PABPC4L: variants seen among roughly 807,000 people sequenced by gnomAD.
PABPC4L encodes poly(A) binding protein cytoplasmic 4 like, also known as polyadenylate-binding protein 4-like.
For missense variants in PABPC4L, 452 were observed against 451.4 expected (o/e 1.00, Z -0.01); for synonymous variants, 169 against 164.1 (o/e 1.03, Z -0.23).
chr4:134,013,444 C>A, the PABPC4L span, among the ~76,000 whole-genome samples: 1 of 152,044 alleles, frequency 6.6e-6, no homozygotes, highest in Admixed American at 6.5e-5. Flanking sequence ...CCTCCTTCTT[C>A]TCCCTTAGCC....
At chr4:134,167,270 G>C in the PABPC4L span, among the ~76,000 whole-genome samples, 1 of 152,032 alleles carries the variant, frequency 6.6e-6, no homozygotes, top group African/African-American at 2.4e-5. Context: ...ACTCTAGTGG[G>C]GATATTGATA....
the PABPC4L span, among the ~76,000 whole-genome samples, chr4:134,043,117 G>A: frequency 0.016 from 2,462 of 152,110 alleles, 70 homozygotes; most frequent in African/African-American, 0.056. Context: ...AAGGAATAAA[G>A]TAACCTCCTT....
the PABPC4L span, among the ~76,000 whole-genome samples, chr4:134,079,755 G>T: frequency 6.6e-6 from 1 of 151,736 alleles, no homozygotes; most frequent in Admixed American, 6.6e-5. Flanking sequence ...AAATAGAGAT[G>T]AAATCTCATC....
chr4:134,104,618 C>G, the PABPC4L span, among the ~76,000 whole-genome samples: 1 of 151,626 alleles, frequency 6.6e-6, no homozygotes, highest in South Asian at 2.1e-4. Context: ...TATTTGTGCT[C>G]ACAGGCCAAA....
chr4:134,070,470 A>G, the PABPC4L span, among the ~76,000 whole-genome samples: 1 of 152,052 alleles, frequency 6.6e-6, no homozygotes, highest in Non-Finnish European at 1.5e-5. Flanking sequence ...AGTTGTGGTG[A>G]TGGCACAGCG....
the PABPC4L span, among the ~76,000 whole-genome samples, chr4:134,033,594 G>A: frequency 6.6e-6 from 1 of 151,916 alleles, no homozygotes; most frequent in Non-Finnish European, 1.5e-5. Flanking sequence ...ACATACAAAT[G>A]ATAAGGAAGT....
At chr4:134,193,849 T>G (rs2126195133), downstream of PABPC4L, among the ~76,000 whole-genome samples, 1 of 151,976 alleles carries the variant, frequency 6.6e-6, no homozygotes, top group African/African-American at 2.4e-5. Flanking sequence ...AAAATAAATT[T>G]TAGAGAATTA....
the PABPC4L span, among the ~76,000 whole-genome samples, chr4:134,056,588 A>G: frequency 1.3e-5 from 2 of 151,972 alleles, no homozygotes; most frequent in African/African-American, 4.8e-5. Flanking sequence ...TAATTTAGGT[A>G]TGAATTAATA....
chr4:134,195,619 C>A (rs1294415357), downstream of PABPC4L, among the ~76,000 whole-genome samples: 1 of 151,690 alleles, frequency 6.6e-6, no homozygotes, highest in African/African-American at 2.4e-5. Context: ...GAATCTCTCT[C>A]AGAAGTTAAG....
chr4:134,011,254 C>T, the PABPC4L span, among the ~76,000 whole-genome samples: 7 of 152,004 alleles, frequency 4.6e-5, no homozygotes, highest in Non-Finnish European at 1.0e-4. Flanking sequence ...GCATCAGCTT[C>T]CCAGAGACCT....
chr4:134,199,975 T>C lies in PABPC4L; in HGVS notation c.1045A>G (p.Met349Val), dbSNP rs367870163. 344 of 1,551,648 alleles carry C rather than the reference T, an allele frequency of 2.2e-4. 1 individual carries two copies. In the African/African-American group the frequency reaches 4.2e-3, roughly 19 times the overall value. Residue 349 changes from methionine (M) to valine (V), a missense_variant, in exon 2 of 2, where the codon ATG becomes GTG. Met to Val is a conservative substitution (Grantham distance 21). Coordinates refer to ENST00000421491, the MANE Select transcript of PABPC4L (RefSeq NM_001114734.2). ...FSSPEDATKA[M>V]TEMNGRILGS... ...AAGATGCGGCCATTCATCTCAGTCA[T>C]TGCTTTAGTAGCATCCTCAGGAGAG...
chr4:134,106,523 TATA>T, the PABPC4L span, among the ~76,000 whole-genome samples: 1 of 151,636 alleles, frequency 6.6e-6, no homozygotes, highest in East Asian at 1.9e-4. Flanking sequence ...AAGATAATGA[TATA>T]ATCATTTGCT....
the PABPC4L span, among the ~76,000 whole-genome samples, chr4:134,112,393 C>T: frequency 6.6e-6 from 1 of 151,740 alleles, no homozygotes; most frequent in Admixed American, 6.6e-5. Flanking sequence ...TTTTTCACTT[C>T]TGTACTCCAT....
chr4:134,071,135 T>G, the PABPC4L span, among the ~76,000 whole-genome samples: 2 of 152,164 alleles, frequency 1.3e-5, no homozygotes, highest in Non-Finnish European at 2.9e-5. Flanking sequence ...TGGAGGTCCA[T>G]GGCAAGAGCA....
the PABPC4L span, among the ~76,000 whole-genome samples, chr4:133,965,652 A>T: frequency 6.6e-5 from 10 of 152,196 alleles, no homozygotes; most frequent in Admixed American, 6.5e-5. Context: ...GAGAATCCAG[A>T]AATGAACCCA....
At chr4:134,161,250 A>G in the PABPC4L span, among the ~76,000 whole-genome samples, 3 of 152,100 alleles carry the variant, frequency 2.0e-5, no homozygotes, top group African/African-American at 7.2e-5. Flanking sequence ...CAGAGAAGAA[A>G]AAAAAAAGAA....
chr4:134,023,861 C>T, the PABPC4L span, among the ~76,000 whole-genome samples: 1 of 151,806 alleles, frequency 6.6e-6, no homozygotes, highest in Non-Finnish European at 1.5e-5. Flanking sequence ...ATGATTTTTC[C>T]AAATTTATAT....
At chr4:134,013,809 A>G in the PABPC4L span, among the ~76,000 whole-genome samples, 1 of 151,870 alleles carries the variant, frequency 6.6e-6, no homozygotes, top group African/African-American at 2.4e-5. Flanking sequence ...CTACAGACCC[A>G]TCTGACCTCT....
the PABPC4L span, among the ~76,000 whole-genome samples, chr4:134,083,499 C>A: frequency 6.6e-6 from 1 of 152,044 alleles, no homozygotes; most frequent in African/African-American, 2.4e-5. Flanking sequence ...ATGTACTGAA[C>A]AACGTGTGAC....
Sources: gnomAD v4.1 joint callset for allele counts (sites outside exome capture counted in the v4.1 genomes callset) on GRCh38, gnomAD v4.1.1 for gene constraint, MANE v1.5 for transcripts, NCBI Gene and HGNC (gene_info 2026-07-23, HGNC 2026-07-21) for gene names.